ABCA7: variants seen among roughly 807,000 people sequenced by gnomAD.
ABCA7 encodes ATP binding cassette subfamily A member 7, also known as phospholipid-transporting ATPase ABCA7.
In ABCA7, 261 loss-of-function variants were observed where a neutral mutation model predicts 227.6. That is an observed-to-expected ratio of 1.15 (90% CI 1.04 to 1.27). The LOEUF is 1.27. Among genes scored for constraint, ABCA7 ranks in the 50% most tolerant of loss-of-function variants. ABCA7 has a pLI of 0.00. For synonymous variants in ABCA7, 1,488 were observed against 1,279.7 expected (o/e 1.16, Z -3.47); for missense variants, 3,331 against 2,924.5 (o/e 1.14, Z -3.21).
At chr19:1,064,376 G>C in intron 45 of ABCA7, 123 bp downstream of exon 45, 1 of 1,128,550 alleles carries the variant, frequency 8.9e-7, no homozygotes, top group Non-Finnish European at 1.2e-6. Context: ...GATGGCCAAG[G>C]CTTTAGATTG....
rs1483197571 is a variant in ABCA7, at chr19:1,047,375, C to T, written c.2064C>T (p.Ala688=). The change falls in exon 15 of 47, where the codon GCC becomes GCT. Residue 688 remains alanine, a synonymous_variant. Coordinates refer to ENST00000263094, the MANE Select transcript of ABCA7 (RefSeq NM_019112.4). The part of the protein sequence containing the change: ...RDRLPAGGRV[A]ASLLSPVAFG... ...GGCTGCCCGCGGGTGGCCGCGTGGC[C>T]GCGGTGAGAGCCGGGTCGGGCGTGG... The T allele has an allele frequency of 1.3e-6, 2 of 1,567,200 alleles. No individual in the cohort carries two copies. The highest frequency in any genetic ancestry group is 1.7e-4 in the Middle Eastern group (1 of 5,718).
At position 1,052,030 on chromosome 19, in the gene ABCA7, C is replaced by A; in HGVS notation, c.3051C>A (p.Cys1017Ter). The A allele has an allele frequency of 6.2e-7, 1 of 1,612,256 alleles. No individual in the cohort carries two copies. The highest frequency in any genetic ancestry group is 8.5e-7 in the Non-Finnish European group (1 of 1,179,920). Residue 1017 changes from cysteine (C) to a stop codon, truncating the protein, a stop_gained, in exon 22 of 47, where the codon TGC (cysteine) becomes TGA (stop). Coordinates refer to ENST00000263094, the MANE Select transcript of ABCA7 (RefSeq NM_019112.4). LOFTEE classifies it high-confidence loss of function. ...CCGTGGTGGCAGGTGGCCGCTTGTG[C>A]TGCTGTGGCTCCCCACTCTTCCTGC... is the stretch of plus-strand genomic sequence containing the variant. ...RVAVVAGGRL[C>*]CCGSPLFLRR...
At chr19:1,057,114 C>G in intron 34 of ABCA7, 30 bp downstream of exon 34, 1 of 1,598,450 alleles carries the variant, frequency 6.3e-7, no homozygotes, top group Non-Finnish European at 8.5e-7. Flanking sequence ...GGGTGGGGGC[C>G]CAGCCACTGC....
In ABCA7 at chr19:1,058,163, C is replaced by T; in HGVS notation, c.5043C>T (p.Ser1681=). Residue 1681 remains serine (S), a synonymous_variant, in exon 37 of 47, where the codon AGC becomes AGT. Transcript: ENST00000263094. ...TTGAGCAGAAGCTGCAGGAGGTGAG[C>T]CGGATCTTGAAACAGGTCTTCCTTA... ...LFSDQKLQEV[S]RILKQVFLIF... 1 of 1,613,870 alleles carries T rather than the reference C, an allele frequency of 6.2e-7. No individual in the cohort carries two copies. The highest frequency in any genetic ancestry group is 1.1e-5 in the South Asian group (1 of 91,072).
intron 42 of ABCA7, 119 bp downstream of exon 42, chr19:1,062,432 C>G: frequency 6.8e-7 from 1 of 1,472,686 alleles, no homozygotes. Context: ...TGTCCCTGCC[C>G]CCAGACCGTG....
chr19:1,052,765 G>A (rs1212451513), intron 23 of ABCA7, among the ~76,000 whole-genome samples: 1 of 150,898 alleles, frequency 6.6e-6, no homozygotes. Flanking sequence ...CTGAGATGAT[G>A]CCCCCATCCC....
In ABCA7 at chr19:1,045,636, T is replaced by G. The variant is rs188621017; in HGVS notation, c.1445+405T>G. ...TGAGGACAGGTATTCGAGACTAGCC[T>G]GGGCAACATAGTGAGACCGCCTCCC... On this transcript the variant is annotated intron_variant, in intron 12 of 46. Transcript: ENST00000263094. The G allele has an allele frequency of 3.6e-4, 70 of 196,732 alleles. 1 individual carries two copies. Among genetic ancestry groups the G allele is most frequent in the African/African-American group, 1.6e-3 (66 of 42,506 alleles). 12.2% of individuals were successfully genotyped at this position (196,732 alleles called of 1,614,324 possible).
rs2042294923 is a variant in ABCA7 at position 1,056,827 on chromosome 19, C to T, written c.4587-80C>T. The T allele has an allele frequency of 1.4e-6, 2 of 1,460,954 alleles. No individual in the cohort carries two copies. The highest frequency in any genetic ancestry group is 1.4e-5 in the African/African-American group (1 of 71,282). 90.5% of individuals were successfully genotyped at this position (1,460,954 alleles called of 1,614,324 possible). A position where few individuals can be genotyped will look rare whatever the true frequency, so the allele number is the denominator to read the frequency against. On this transcript the variant is annotated intron_variant, in intron 33 of 46. Coordinates refer to ENST00000263094, the MANE Select transcript of ABCA7 (RefSeq NM_019112.4). The surrounding 1 kb of genome is among the most constrained non-coding windows in gnomAD (Gnocchi z 4.3). ...GCTGACTGCCCCATAGACCTTTGTC[C>T]CATCAATGGCGTGTTCAGCTCTGCT... is the stretch of plus-strand genomic sequence containing the variant.
In ABCA7 at chr19:1,064,170, G is replaced by A; in HGVS notation, c.5961G>A (p.Glu1987=). Residue 1987 remains glutamate (E), a synonymous_variant, in exon 45 of 47, where the codon GAG becomes GAA. Coordinates refer to ENST00000263094, the MANE Select transcript of ABCA7 (RefSeq NM_019112.4). Reference sequence around the variant, plus strand: ...TGCCGGGTCCCGACAGCATGGAGGAGTGTGAAGCGCTCTGCTCGCGCCTGG... The same window carrying A: ...TGCCGGGTCCCGACAGCATGGAGGAATGTGAAGCGCTCTGCTCGCGCCTGG... ...SVMLTSHSME[E]CEALCSRLAI... 1 of 1,573,210 alleles carries A rather than the reference G, an allele frequency of 6.4e-7. No homozygotes were observed. Among genetic ancestry groups the A allele is most frequent in the Non-Finnish European group, 8.6e-7 (1 of 1,160,986 alleles).
Position 1,046,274 on chromosome 19 carries a change from G to T in ABCA7, c.1490G>T (p.Arg497Leu), listed in dbSNP as rs1409653314. The T allele has an allele frequency of 1.2e-6, 2 of 1,606,832 alleles. No homozygotes were observed. The highest frequency in any genetic ancestry group is 8.5e-7 in the Non-Finnish European group (1 of 1,179,776). Residue 497 changes from arginine (R) to leucine (L), a missense_variant, in exon 13 of 47, where the codon CGC becomes CTC. Arg to Leu is a moderately radical substitution (Grantham distance 102). Coordinates refer to ENST00000263094, the MANE Select transcript of ABCA7 (RefSeq NM_019112.4). ...GCCGCGGACCCCCTGACCGACCTGCGCTACGTGTGGGGCGGCTTCGTGTAC... is the reference window on the plus strand; with the variant it reads ...GCCGCGGACCCCCTGACCGACCTGCTCTACGTGTGGGGCGGCTTCGTGTAC... ...GPAADPLTDLRYVWGGFVYLQ... is the reference protein window; with the variant it reads ...GPAADPLTDLLYVWGGFVYLQ...
Position 1,056,261 on chromosome 19 carries a change from A to C in ABCA7, c.4416+18A>C. 6.3e-7 allele frequency: 1 copy of C among 1,589,794 alleles called. No homozygotes were observed. ...GTCTCAAGGTGGGAACTGGGGGGGC[A>C]GGTGGGCGTCCTGTCACAGCAAGGT... is the stretch of plus-strand genomic sequence containing the variant. On this transcript the variant is annotated intron_variant, in intron 32 of 46. Coordinates refer to ENST00000263094, the MANE Select transcript of ABCA7 (RefSeq NM_019112.4). This position sits in a 1 kb window ranked among gnomAD's most constrained non-coding sequence, Gnocchi z 4.3.
Position 1,054,832 on chromosome 19 carries a change from C to T in ABCA7, c.3904C>T (p.Gln1302Ter). ...GRARLLEALL[Q>*]EAGLEEPPVQ... is the part of the protein sequence containing the mutation. ...TGCCCGGCTGCTCGAGGCGCTGCTGCAGGAGGCAGGACTGGAGGAGCCCCC... is the reference window on the plus strand; with the variant it reads ...TGCCCGGCTGCTCGAGGCGCTGCTGTAGGAGGCAGGACTGGAGGAGCCCCC... Residue 1302 changes from glutamine to a stop codon, truncating the protein, a stop_gained, in exon 29 of 47, where the codon CAG becomes TAG. Transcript: ENST00000263094. LOFTEE classifies it high-confidence loss of function. This position sits in a 1 kb window ranked among gnomAD's most constrained non-coding sequence, Gnocchi z 4.8. 1 of 1,570,670 alleles carries T rather than the reference C, an allele frequency of 6.4e-7. No homozygotes were observed. Among genetic ancestry groups the T allele is most frequent in the Non-Finnish European group, 8.6e-7 (1 of 1,158,584 alleles).
intron 42 of ABCA7, 29 bp from the exon 43 acceptor site, chr19:1,063,515 C>T (rs774010450): frequency 2.5e-6 from 4 of 1,606,854 alleles, no homozygotes; most frequent in Admixed American, 3.3e-5. Flanking sequence ...AATATGAGTC[C>T]CCATGCCTAC....
Position 1,057,335 on chromosome 19 carries a change from T to G in ABCA7, c.4786T>G (p.Cys1596Gly). 6.2e-7 allele frequency: 1 copy of G among 1,613,976 alleles called. No homozygotes were observed. Among genetic ancestry groups the G allele is most frequent in the Non-Finnish European group, 8.5e-7 (1 of 1,180,026 alleles). The change falls in exon 35 of 47, where the codon TGC becomes GGC. Residue 1596 changes from cysteine to glycine, a missense_variant. Cys to Gly is a radical substitution (Grantham distance 159). Transcript: ENST00000263094. The part of the protein sequence containing the change: ...WDMCNYLVPA[C>G]IVVLIFLAFQ... ...GCAGTGTAACTACTTGGTGCCAGCA[T>G]GCATCGTGGTGCTCATCTTTCTGGC... is the stretch of plus-strand genomic sequence containing the variant.
Position 1,058,155 on chromosome 19 carries a change from G to A in ABCA7, c.5035G>A (p.Glu1679Lys). Residue 1679 changes from glutamate to lysine, a missense_variant, in exon 37 of 47, where the codon GAG becomes AAG. Transcript: ENST00000263094. ...TCCCACCCTTGAGCAGAAGCTGCAGGAGGTGAGCCGGATCTTGAAACAGGT... is the reference window on the plus strand; with the variant it reads ...TCCCACCCTTGAGCAGAAGCTGCAGAAGGTGAGCCGGATCTTGAAACAGGT... ...LELFSDQKLQEVSRILKQVFL... is the reference protein window; with the variant it reads ...LELFSDQKLQKVSRILKQVFL... The A allele has an allele frequency of 1.2e-6, 2 of 1,613,948 alleles. No individual in the cohort carries two copies. The highest frequency in any genetic ancestry group is 8.5e-7 in the Non-Finnish European group (1 of 1,179,992).
rs770567123 is a variant in ABCA7 at position 1,055,167 on chromosome 19, C to G, written c.4021C>G (p.Pro1341Ala). The G allele has an allele frequency of 3.1e-6, 5 of 1,612,388 alleles. No individual in the cohort carries two copies. The South Asian group carries it at 5.5e-5, about 18-fold the overall frequency. The change falls in exon 30 of 47, where the codon CCA (proline) becomes GCA (alanine). Residue 1341 changes from proline to alanine, a missense_variant. Transcript: ENST00000263094. ...CAGTGGCAACTGGACCCCAGAGTCT[C>G]CATCCCCAGCCTGCCAGTGTAGCCG... ...LASGNWTPES[P>A]SPACQCSRPG...
Position 1,041,501 on chromosome 19 carries a change from C to A in ABCA7, c.67-9C>A, listed in dbSNP as rs771161391. ...TGTCCCCCACCGTCTCCCACCTATT[C>A]TCCCCCAGGTCCAGCTCCTGGTCGA... On this transcript the variant is annotated splice_polypyrimidine_tract_variant and intron_variant, in intron 2 of 46. Coordinates refer to ENST00000263094, the MANE Select transcript of ABCA7 (RefSeq NM_019112.4). 1.2e-6 allele frequency: 2 copies of A among 1,613,864 alleles called. No individual in the cohort carries two copies. Among genetic ancestry groups the A allele is most frequent in the South Asian group, 1.1e-5 (1 of 91,086 alleles).
In ABCA7 at chr19:1,064,163, TGGA is replaced by T. The variant is rs1423748436; in HGVS notation, c.5959_5961del (p.Glu1987del). The T allele has an allele frequency of 3.2e-6, 5 of 1,569,898 alleles. No individual in the cohort carries two copies. In the East Asian group the frequency reaches 1.2e-4, roughly 37 times the overall value. ...CTCGTGGTGCCGGGTCCCGACAGCA[TGGA>T]GGAGTGTGAAGCGCTCTGCTCGCGC... On this transcript the variant is annotated inframe_deletion, in exon 45 of 47. Coordinates refer to ENST00000263094, the MANE Select transcript of ABCA7 (RefSeq NM_019112.4).
rs1229728431 is a variant in ABCA7, at chr19:1,048,507, AAAC to A, written c.2270-385_2270-383del. 1.1e-3 allele frequency among the ~76,000 whole-genome samples: 131 copies of A among 117,516 alleles called. 26 individuals carry two copies. Among genetic ancestry groups the A allele is most frequent in the East Asian group, 7.4e-3 (18 of 2,438 alleles). The allele number at this position is 117,516 out of a possible 152,430, so 77.1% of individuals were successfully genotyped here. ...GTGAAACTCAGTCTCAAAAAAAAAA[AAAC>A]AAAAAAAAAAAAAACAAGGCCGGGC... On this transcript the variant is annotated intron_variant, in intron 16 of 46. Transcript: ENST00000263094.
Sources: allele counts gnomAD v4.1 joint callset (sites outside exome capture counted in the v4.1 genomes callset), GRCh38; gene constraint gnomAD v4.1.1; non-coding constraint Gnocchi (gnomAD v3.1); transcripts MANE v1.5; gene names NCBI Gene and HGNC (gene_info 2026-07-23, HGNC 2026-07-21).